Variants in LAMC3 observed in about 807,000 individuals in gnomAD.
LAMC3 encodes the protein laminin subunit gamma-3.
Under a neutral mutation model 173.8 loss-of-function variants are expected in LAMC3, and 128 were observed. That is an observed-to-expected ratio of 0.74 (90% confidence interval 0.64 to 0.85). The LOEUF (loss-of-function observed/expected upper bound fraction) is 0.85, where lower values mean the gene tolerates loss of function less well. Ranked by LOEUF, LAMC3 falls within the 40% of genes least tolerant of loss-of-function variation. The pLI is 0.00. For synonymous variants in LAMC3, 897 were observed against 909.1 expected (o/e 0.99, Z 0.24); for missense variants, 2,022 against 2,156.0 (o/e 0.94, Z 1.23).
chr9:131,073,084 C>T (rs1830064519), intron 19 of LAMC3, among the ~76,000 whole-genome samples, 161 bp from the exon 20 acceptor site: 1 of 152,240 alleles, frequency 6.6e-6, no homozygotes, highest in East Asian at 1.9e-4. Flanking sequence ...GGTGTTTCTG[C>T]ATCCTAGGAC....
intron 13 of LAMC3, among the ~76,000 whole-genome samples, chr9:131,062,906 G>C (rs1033529555): frequency 3.6e-4 from 55 of 151,454 alleles, no homozygotes; most frequent in African/African-American, 1.3e-3. Flanking sequence ...TTGTTGAATA[G>C]CCCTTCCTCC....
Position 131,087,496 on chromosome 9 carries a change from G to A in LAMC3, c.4251G>A (p.Arg1417=). ...CATAGCTTGCCAAGGCCTTGCTGAG[G>A]GAGCGGAAACAGGCGCACCGCCGTG... ...DSAKLAKALL[R]ERKQAHRRAS... Residue 1417 remains arginine, a synonymous_variant, in exon 26 of 28, where the codon AGG becomes AGA. Coordinates refer to ENST00000361069, the MANE Select transcript of LAMC3 (RefSeq NM_006059.4). 1.2e-6 allele frequency: 2 copies of A among 1,613,848 alleles called. No individual in the cohort carries two copies. Among genetic ancestry groups the A allele is most frequent in the African/African-American group, 1.3e-5 (1 of 75,072 alleles).
Position 131,038,993 on chromosome 9 carries a change from A to G in LAMC3, c.1106A>G (p.Glu369Gly). 6.2e-7 allele frequency: 1 copy of G among 1,613,742 alleles called. No individual in the cohort carries two copies. The highest frequency in any genetic ancestry group is 8.5e-7 in the Non-Finnish European group (1 of 1,180,022). Residue 369 changes from glutamate (E) to glycine (G), a missense_variant, in exon 5 of 28, where the codon GAG (glutamate) becomes GGG (glycine). Transcript: ENST00000361069. The stretch of plus-strand genomic sequence containing the variant: ...GGGCCACACTGTGAGCGCTGTCAGG[A>G]GAATTTCTATCACTGGGACCCGCGG... Reference protein sequence around the residue: ...TAGPHCERCQENFYHWDPRMP... With the variant: ...TAGPHCERCQGNFYHWDPRMP...
chr9:131,025,924 G>T (rs560459783), intron 1 of LAMC3, among the ~76,000 whole-genome samples: 7 of 152,330 alleles, frequency 4.6e-5, no homozygotes, highest in African/African-American at 1.4e-4. Context: ...TGTAGTAAAA[G>T]AAATAACTTT....
In LAMC3 at chr9:131,039,968, AAAAAAC is replaced by A. The variant is rs201555876; in HGVS notation, c.1283+731_1283+736del. The stretch of plus-strand genomic sequence containing the variant: ...TTGATTGAGAAAGTATACAATGGCC[AAAAAAC>A]AAAAACAAAACAAAACAAAAACCTA... On this transcript the variant is annotated intron_variant, in intron 6 of 27. Transcript: ENST00000361069. Among the ~76,000 whole-genome samples, 1,326 of 151,938 alleles carry A rather than the reference AAAAAAC, an allele frequency of 8.7e-3. 20 individuals are homozygous for A. The highest frequency in any genetic ancestry group is 0.03 in the African/African-American group (1,253 of 41,318).
At chr9:131,078,661 C>T (rs1490903474) in intron 22 of LAMC3, among the ~76,000 whole-genome samples, 1 of 152,228 alleles carries the variant, frequency 6.6e-6, no homozygotes, top group Non-Finnish European at 1.5e-5. Context: ...TCCAGCACCA[C>T]TCAGGGTGTT....
chr9:131,023,084 G>A (rs55815887), intron 1 of LAMC3, among the ~76,000 whole-genome samples: 12,021 of 152,242 alleles, frequency 0.079, 526 homozygotes, highest in Middle Eastern at 0.21. Flanking sequence ...GTTCATTCTT[G>A]TGGTTGCGTG....
At chr9:131,032,380 T>C (rs1029601085) in intron 3 of LAMC3, among the ~76,000 whole-genome samples, 1 of 152,094 alleles carries the variant, frequency 6.6e-6, no homozygotes, top group Admixed American at 6.5e-5. Context: ...TGATTTGCCA[T>C]GTGCCAGACA....
At chr9:131,063,082 C>T (rs966876530) in intron 13 of LAMC3, among the ~76,000 whole-genome samples, 4 of 152,148 alleles carry the variant, frequency 2.6e-5, no homozygotes, top group South Asian at 2.1e-4. Flanking sequence ...GCTTTTGGTA[C>T]GTGTGGCTGC....
chr9:131,075,562 CAAA>C (rs35509603), intron 20 of LAMC3, among the ~76,000 whole-genome samples: 13 of 102,594 alleles, frequency 1.3e-4, no homozygotes, highest in South Asian at 9.4e-4. Context: ...GACTCTGTCT[CAAA>C]AAAAAAAAAA....
Position 131,077,329 on chromosome 9 carries a change from G to A in LAMC3, c.3772G>A (p.Ala1258Thr). 1 of 1,613,778 alleles carries A rather than the reference G, an allele frequency of 6.2e-7. No homozygotes were observed. The highest frequency in any genetic ancestry group is 8.5e-7 in the Non-Finnish European group (1 of 1,180,038). ...CCTGGCCTTGCTGGCTTCCCCGGGA[G>A]CTCTGGTCAGCTCAGTTGTCTCAGA... ...PYLALLASPG[A>T]LPQKSRAEDL... Residue 1258 changes from alanine to threonine, a missense_variant, in exon 22 of 28, where the codon GCT becomes ACT. By Grantham distance (58) the Ala-to-Thr change is moderately conservative. Coordinates refer to ENST00000361069, the MANE Select transcript of LAMC3 (RefSeq NM_006059.4).
chr9:131,012,091 A>ACT (rs1361596995), intron 1 of LAMC3, among the ~76,000 whole-genome samples: 2 of 149,220 alleles, frequency 1.3e-5, no homozygotes, highest in Non-Finnish European at 1.5e-5. Context: ...ACACACACAC[A>ACT]CTCCCTGCTG....
At chr9:131,054,032 A>T (rs1189844224) in intron 11 of LAMC3, among the ~76,000 whole-genome samples, 1 of 151,538 alleles carries the variant, frequency 6.6e-6, no homozygotes, top group Non-Finnish European at 1.5e-5. Context: ...CAAAAAACAA[A>T]ACCCCTAGTG....
chr9:131,086,269 G>A (rs984057368), intron 25 of LAMC3, among the ~76,000 whole-genome samples: 4 of 151,980 alleles, frequency 2.6e-5, no homozygotes, highest in African/African-American at 9.7e-5. Context: ...AGTAGAGCGG[G>A]GTTTCACCAT....
intron 1 of LAMC3, among the ~76,000 whole-genome samples, chr9:131,012,481 G>A (rs888219250): frequency 7.2e-5 from 11 of 152,228 alleles, no homozygotes; most frequent in South Asian, 2.1e-4. Context: ...GCTCCCTTGC[G>A]GGGATTGAGA....
chr9:131,062,938 G>A (rs924838613), intron 13 of LAMC3, among the ~76,000 whole-genome samples: 1 of 151,422 alleles, frequency 6.6e-6, no homozygotes, highest in African/African-American at 2.4e-5. Flanking sequence ...GATAACAGCT[G>A]TTCTCCTCTC....
chr9:131,085,834 C>A, intron 25 of LAMC3, 111 bp downstream of exon 25: 1 of 1,019,860 alleles, frequency 9.8e-7, no homozygotes, highest in Non-Finnish European at 1.5e-6. Flanking sequence ...ACTCACTGCT[C>A]AGTGGGCCCA....
intron 18 of LAMC3, among the ~76,000 whole-genome samples, chr9:131,072,103 G>A (rs1470017266): frequency 2.9e-5 from 4 of 136,778 alleles, no homozygotes; most frequent in African/African-American, 8.2e-5. Context: ...AGATCAGTCC[G>A]GGCAACACAG....
chr9:131,032,051 G>C lies in LAMC3; in HGVS notation c.685G>C (p.Val229Leu). Residue 229 changes from valine (V) to leucine (L), a missense_variant, in exon 3 of 28, where the codon GTC becomes CTC. By Grantham distance (32) the Val-to-Leu change is conservative (BLOSUM62 1). Transcript: ENST00000361069. ...FEESPGLQEW[V>L]TSTELLISLD... ...CCTCTCCCCTCTGCCCCAGGAGTGG[G>C]TCACCAGCACCGAACTCCTCATCTC... 5.6e-6 allele frequency: 9 copies of C among 1,614,086 alleles called. No homozygotes were observed. Among genetic ancestry groups the C allele is most frequent in the Non-Finnish European group, 7.6e-6 (9 of 1,180,010 alleles).
Sources: allele counts gnomAD v4.1 joint callset (sites outside exome capture counted in the v4.1 genomes callset), GRCh38; gene constraint gnomAD v4.1.1; transcripts MANE v1.5; gene names NCBI Gene and HGNC (gene_info 2026-07-23, HGNC 2026-07-21).